CACNA1C: variants seen among roughly 807,000 people sequenced by gnomAD.
The protein encoded by CACNA1C is voltage-dependent L-type calcium channel subunit alpha-1C.
A neutral mutation model predicts 229.0 loss-of-function variants in CACNA1C; 30 were observed. That is an observed-to-expected ratio of 0.13 (90% CI 0.10 to 0.18). The LOEUF (loss-of-function observed/expected upper bound fraction) is 0.18, where lower values mean the gene tolerates loss of function less well. Ranked by LOEUF, CACNA1C falls within the 10% of genes least tolerant of loss-of-function variation. CACNA1C has a pLI of 1.00. For synonymous variants in CACNA1C, 1,114 were observed against 1,132.5 expected (o/e 0.98, Z 0.33); for missense variants, 1,658 against 2,845.0 (o/e 0.58, Z 9.49).
At chr12:2,016,520 C>T (rs1321963586) in intron 1 of CACNA1C, among the ~76,000 whole-genome samples, 2 of 152,128 alleles carry the variant, frequency 1.3e-5, no homozygotes, top group Admixed American at 1.3e-4. Context: ...ACCTCCTCCT[C>T]CCGGGGTCAA....
chr12:1,977,545 T>G (rs1252834955), intron 1 of CACNA1C, among the ~76,000 whole-genome samples: 1 of 152,224 alleles, frequency 6.6e-6, no homozygotes, highest in African/African-American at 2.4e-5. Flanking sequence ...TTAAGTACAC[T>G]GTACATGTCT....
chr12:2,104,196 C>A (rs1277931535), intron 1 of CACNA1C, among the ~76,000 whole-genome samples: 4 of 152,200 alleles, frequency 2.6e-5, no homozygotes, highest in African/African-American at 9.7e-5. Context: ...TTGATTCTTC[C>A]TATCTATGAG....
intron 9 of CACNA1C, among the ~76,000 whole-genome samples, chr12:2,547,866 G>A: frequency 6.6e-6 from 1 of 152,128 alleles, no homozygotes; most frequent in South Asian, 2.1e-4. Flanking sequence ...GATTTAGAAG[G>A]TGCTGTCGTT....
intron 38 of CACNA1C, 147 bp from the exon 39 acceptor site, chr12:2,674,394 T>C: frequency 8.6e-7 from 1 of 1,161,538 alleles, no homozygotes. Flanking sequence ...ATGGGAAGAC[T>C]GGGGAGAAGT....
chr12:2,034,301 T>TG lies in CACNA1C; in HGVS notation c.139+63102dup, dbSNP rs1475890913. ...CCGTGTTCCTTTTTGTAAGCCTCCC[T>TG]GGTGTGTGGAAGGGAGTACACTTTC... On this transcript the variant is annotated intron_variant, in intron 1 of 46. Coordinates refer to the CACNA1C transcript ENST00000682462. This position sits in a 1 kb window ranked among gnomAD's most constrained non-coding sequence, Gnocchi z 4.1. 2.6e-5 allele frequency among the ~76,000 whole-genome samples: 4 copies of TG among 152,180 alleles called. No homozygotes were observed. Among genetic ancestry groups the TG allele is most frequent in the Non-Finnish European group, 5.9e-5 (4 of 68,032 alleles).
Position 2,612,249 on chromosome 12 carries a change from G to A in CACNA1C, c.3828+236G>A, listed in dbSNP as rs558446009. The A allele has an allele frequency of 8.3e-4, 410 of 493,844 alleles. 3 individuals carry two copies. The South Asian group carries it at 0.011, about 14-fold the overall frequency. 30.6% of individuals were successfully genotyped at this position (493,844 alleles called of 1,614,324 possible). On this transcript the variant is annotated intron_variant, in intron 29 of 46. Coordinates refer to ENST00000399655, the MANE Select transcript of CACNA1C (RefSeq NM_000719.7). ...TGACCCTGGCTGGCATGCACAAGCT[G>A]CAGATTCCTCGCTGAGCTGAACCTC...
rs146426648 is a variant in CACNA1C, at chr12:2,459,857, T to C, written c.757+2151T>C. On this transcript the variant is annotated intron_variant, in intron 5 of 46. Transcript: ENST00000399655. ...CCCGACCTGTTATCTATGTATTTATTAGGGGCCTGCAATTTTTATTAGGGG... is the reference window on the plus strand; with the variant it reads ...CCCGACCTGTTATCTATGTATTTATCAGGGGCCTGCAATTTTTATTAGGGG... 4.0e-3 allele frequency among the ~76,000 whole-genome samples: 602 copies of C among 152,312 alleles called. 3 individuals are homozygous for C. The highest frequency in any genetic ancestry group is 0.014 in the African/African-American group (562 of 41,552).
At chr12:2,314,027 G>A (rs2095562539) in intron 3 of CACNA1C, among the ~76,000 whole-genome samples, 1 of 152,144 alleles carries the variant, frequency 6.6e-6, no homozygotes, top group African/African-American at 2.4e-5. Context: ...GGCCTTTCCA[G>A]ATGGCCCAGC....
intron 5 of CACNA1C, among the ~76,000 whole-genome samples, chr12:2,476,260 C>T (rs10848663): frequency 0.72 from 109,930 of 152,182 alleles, 40,059 homozygotes; most frequent in East Asian, 0.87. Context: ...TGCCATGACG[C>T]GGGCCAACAA....
intron 11 of CACNA1C, among the ~76,000 whole-genome samples, chr12:2,561,300 G>C (rs140151319): frequency 6.6e-6 from 1 of 152,180 alleles, no homozygotes; most frequent in South Asian, 2.1e-4. Context: ...CTCGCCTAAG[G>C]TGTCCTTTCG....
intron 1 of CACNA1C, among the ~76,000 whole-genome samples, chr12:2,012,780 G>A (rs2044670768): frequency 6.6e-6 from 1 of 152,216 alleles, no homozygotes; most frequent in Non-Finnish European, 1.5e-5. Flanking sequence ...GGATCAGTGA[G>A]ACCTCTAGTA....
At chr12:1,992,260 C>A (rs994698391) in intron 1 of CACNA1C, 2 of 159,644 alleles carry the variant, frequency 1.3e-5, no homozygotes, top group Admixed American at 1.3e-4. Flanking sequence ...AAAATTTATT[C>A]TCTAAATAAT....
intron 1 of CACNA1C, among the ~76,000 whole-genome samples, chr12:2,082,973 T>G (rs1016545706): frequency 6.6e-6 from 1 of 152,210 alleles, no homozygotes; most frequent in African/African-American, 2.4e-5. Flanking sequence ...TTTTTGCCCC[T>G]TTGGTTCGTT....
Position 2,607,035 on chromosome 12 carries a change from A to G in CACNA1C, c.3261A>G (p.Gln1087=), listed in dbSNP as rs974586586. 6 of 1,613,648 alleles carry G rather than the reference A, an allele frequency of 3.7e-6. No homozygotes were observed. The African/African-American group carries it at 8.0e-5, about 22-fold the overall frequency. The change falls in exon 26 of 47, where the codon CAA becomes CAG. Residue 1087 remains glutamine, a synonymous_variant. Coordinates refer to ENST00000399655, the MANE Select transcript of CACNA1C (RefSeq NM_000719.7). ...KDGEVDHPII[Q]PRSWENSKFD... ...GGGAGGTTGACCACCCCATCATCCA[A>G]CCCCGCAGCTGGGAGAACAGCAAGT...
intron 3 of CACNA1C, among the ~76,000 whole-genome samples, chr12:2,316,220 A>G (rs919607843): frequency 6.6e-6 from 1 of 152,244 alleles, no homozygotes; most frequent in African/African-American, 2.4e-5. Flanking sequence ...GAACAGTTAA[A>G]AATTTAATTC....
intron 1 of CACNA1C, among the ~76,000 whole-genome samples, chr12:1,995,828 A>G (rs1312775143): frequency 2.0e-5 from 3 of 152,070 alleles, no homozygotes; most frequent in Non-Finnish European, 4.4e-5. Flanking sequence ...CTTTTATTTC[A>G]TGGTTTCAAC....
rs113064994 is a variant in CACNA1C, at chr12:2,597,729, G to A, written c.2853+440G>A. On this transcript the variant is annotated intron_variant, in intron 21 of 46. Coordinates refer to ENST00000399655, the MANE Select transcript of CACNA1C (RefSeq NM_000719.7). This position sits in a 1 kb window ranked among gnomAD's most constrained non-coding sequence, Gnocchi z 4.3. ...CCCTCCAGCCACCCCTAAGCAGTCC[G>A]TGGCCTGGAAGGGACACGTGTTGGC... 0.023 allele frequency among the ~76,000 whole-genome samples: 3,537 copies of A among 152,256 alleles called. 146 individuals carry two copies. The highest frequency in any genetic ancestry group is 0.081 in the African/African-American group (3,374 of 41,520).
At chr12:2,193,506 T>C (rs532357916) in intron 3 of CACNA1C, among the ~76,000 whole-genome samples, 1 of 152,328 alleles carries the variant, frequency 6.6e-6, no homozygotes, top group East Asian at 1.9e-4. Context: ...ACTCCTTCCC[T>C]GTAGAGGCTG....
At chr12:2,541,621 C>G (rs2099870626) in intron 9 of CACNA1C, among the ~76,000 whole-genome samples, 1 of 152,202 alleles carries the variant, frequency 6.6e-6, no homozygotes, top group African/African-American at 2.4e-5. Context: ...GAGGCATCAA[C>G]CCTCTTCCTC....
Sources: allele counts gnomAD v4.1 joint callset (sites outside exome capture counted in the v4.1 genomes callset), GRCh38; gene constraint gnomAD v4.1.1; non-coding constraint Gnocchi (gnomAD v3.1); transcripts MANE v1.5; gene names NCBI Gene and HGNC (gene_info 2026-07-23, HGNC 2026-07-21).